The following TNFRSF21 variants were observed in gnomAD, a reference collection of about 807,000 sequenced individuals.
TNFRSF21 encodes TNF receptor superfamily member 21, also known as tumor necrosis factor receptor superfamily member 21.
In TNFRSF21, 19 loss-of-function variants were observed where a neutral mutation model predicts 45.6. That is an observed-to-expected ratio of 0.42 (90% CI 0.29 to 0.61). TNFRSF21 has a LOEUF of 0.61. Ranked by LOEUF, TNFRSF21 falls within the 20% of genes least tolerant of loss-of-function variation. The pLI is 0.23. For synonymous variants in TNFRSF21, 314 were observed against 335.5 expected, an observed-to-expected ratio of 0.94 and a Z score of 0.70; for missense variants, 737 against 851.5, an observed-to-expected ratio of 0.87 and a Z score of 1.67.
At chr6:47,263,263 T>C (rs1762257299) in intron 3 of TNFRSF21, among the ~76,000 whole-genome samples, 2 of 152,166 alleles carry the variant, frequency 1.3e-5, no homozygotes, top group Non-Finnish European at 2.9e-5. Flanking sequence ...GTATGGTTTG[T>C]AATTTGGTGT....
At chr6:47,308,810 A>C (rs1045767829) in intron 1 of TNFRSF21, among the ~76,000 whole-genome samples, 3 of 152,150 alleles carry the variant, frequency 2.0e-5, no homozygotes, top group African/African-American at 7.2e-5. Context: ...CTGAGACCCC[A>C]CCCGAGCCAA....
At chr6:47,242,641 G>A (rs556602999) in intron 4 of TNFRSF21, among the ~76,000 whole-genome samples, 52 of 152,286 alleles carry the variant, frequency 3.4e-4, no homozygotes, top group Non-Finnish European at 4.7e-4. Flanking sequence ...GGGCAGCCCC[G>A]CCCCGCTACC....
chr6:47,307,533 C>T (rs185014949), intron 1 of TNFRSF21, among the ~76,000 whole-genome samples: 8 of 152,174 alleles, frequency 5.3e-5, no homozygotes, highest in Admixed American at 1.3e-4. Flanking sequence ...CGCACACCAC[C>T]GCCACACCCA....
At chr6:47,258,561 C>A (rs1457573043) in intron 3 of TNFRSF21, among the ~76,000 whole-genome samples, 1 of 151,894 alleles carries the variant, frequency 6.6e-6, no homozygotes, top group Non-Finnish European at 1.5e-5. Flanking sequence ...CCCAACTCAG[C>A]CTCCCTAGTA....
intron 1 of TNFRSF21, among the ~76,000 whole-genome samples, chr6:47,306,860 G>A (rs1048576304): frequency 2.6e-5 from 4 of 152,060 alleles, no homozygotes; most frequent in African/African-American, 9.7e-5. Context: ...ACTGTAATAC[G>A]TGGGCAGGCC....
intron 3 of TNFRSF21, among the ~76,000 whole-genome samples, chr6:47,275,420 C>T (rs984478667): frequency 3.3e-5 from 5 of 152,028 alleles, no homozygotes; most frequent in African/African-American, 7.3e-5. Context: ...AACCAAACAC[C>T]GCATGTTCTC....
chr6:47,251,976 C>T (rs1194945837), intron 4 of TNFRSF21, among the ~76,000 whole-genome samples: 2 of 152,016 alleles, frequency 1.3e-5, no homozygotes, highest in East Asian at 3.9e-4. Context: ...AAAAATATGC[C>T]AGAGCTTTAA....
intron 4 of TNFRSF21, among the ~76,000 whole-genome samples, chr6:47,246,446 C>T (rs1764826274): frequency 6.6e-6 from 1 of 152,182 alleles, no homozygotes; most frequent in Non-Finnish European, 1.5e-5. Context: ...CTGTATAGGA[C>T]TTGCCCAAGG....
At chr6:47,274,534 T>C (rs1582341012) in intron 3 of TNFRSF21, among the ~76,000 whole-genome samples, 2 of 151,952 alleles carry the variant, frequency 1.3e-5, no homozygotes, top group East Asian at 1.9e-4. Flanking sequence ...CCATAAAAAC[T>C]CTAGAAGAAA....
intron 3 of TNFRSF21, among the ~76,000 whole-genome samples, chr6:47,280,441 T>G (rs1027199516): frequency 2.0e-5 from 3 of 152,216 alleles, no homozygotes; most frequent in Non-Finnish European, 2.9e-5. Flanking sequence ...CCCGGTTGCA[T>G]GTTTGAGACT....
Position 47,232,605 on chromosome 6 carries a change from C to A in TNFRSF21, c.*160G>T. ...GAGAGAAGGAGAAAGAACTCAAGCACTGGCCATATTCTCTGTTAAACACAC... is the reference window on the plus strand; with the variant it reads ...GAGAGAAGGAGAAAGAACTCAAGCAATGGCCATATTCTCTGTTAAACACAC... On this transcript the variant is annotated 3_prime_UTR_variant, in exon 6 of 6. Transcript: ENST00000296861. 1.7e-6 allele frequency: 1 copy of A among 588,050 alleles called. No individual in the cohort carries two copies. Among genetic ancestry groups the A allele is most frequent in the Non-Finnish European group, 2.9e-6 (1 of 344,946 alleles). The allele number at this position is 588,050 out of a possible 1,614,324, so 36.4% of individuals were successfully genotyped here.
At chr6:47,304,139 C>A (rs1220773797) in intron 1 of TNFRSF21, among the ~76,000 whole-genome samples, 1 of 152,068 alleles carries the variant, frequency 6.6e-6, no homozygotes, top group African/African-American at 2.4e-5. Flanking sequence ...CTGGCATCAC[C>A]GGAATTTGCC....
intron 4 of TNFRSF21, among the ~76,000 whole-genome samples, chr6:47,250,045 A>G (rs1468096627): frequency 2.0e-5 from 3 of 152,210 alleles, no homozygotes; most frequent in Non-Finnish European, 2.9e-5. Context: ...TACATTTAAA[A>G]AGCAATTATA....
intron 3 of TNFRSF21, among the ~76,000 whole-genome samples, chr6:47,254,650 T>C (rs972648278): frequency 6.6e-6 from 1 of 152,186 alleles, no homozygotes; most frequent in Non-Finnish European, 1.5e-5. Flanking sequence ...TGCCCAGCTG[T>C]TCCAGGCCAA....
At chr6:47,247,986 G>T (rs1478575530) in intron 4 of TNFRSF21, among the ~76,000 whole-genome samples, 1 of 152,174 alleles carries the variant, frequency 6.6e-6, no homozygotes, top group Non-Finnish European at 1.5e-5. Flanking sequence ...AAGAAGTAGA[G>T]CATTGATTCT....
intron 4 of TNFRSF21, among the ~76,000 whole-genome samples, chr6:47,242,534 T>A (rs1367238718): frequency 6.6e-6 from 1 of 152,204 alleles, no homozygotes. Context: ...AGCTGTGCCT[T>A]TCCTGTATGT....
chr6:47,235,968 A>T (rs1764661541), intron 4 of TNFRSF21, among the ~76,000 whole-genome samples: 1 of 152,246 alleles, frequency 6.6e-6, no homozygotes, highest in African/African-American at 2.4e-5. Context: ...GGCAAGATTC[A>T]AAGTAGGGAG....
At chr6:47,246,802 G>GA (rs1262221213) in intron 4 of TNFRSF21, among the ~76,000 whole-genome samples, 7 of 151,726 alleles carry the variant, frequency 4.6e-5, no homozygotes, top group Admixed American at 1.3e-4. Context: ...ATATAGTCTT[G>GA]AAAAAAAACT....
chr6:47,279,627 A>G (rs1316388791), intron 3 of TNFRSF21, among the ~76,000 whole-genome samples: 2 of 152,002 alleles, frequency 1.3e-5, no homozygotes, highest in Non-Finnish European at 2.9e-5. Context: ...AAATTTTTGG[A>G]CCCTCCCCCT....
Sources: gnomAD v4.1 joint callset for allele counts (sites outside exome capture counted in the v4.1 genomes callset) on GRCh38, gnomAD v4.1.1 for gene constraint, MANE v1.5 for transcripts, NCBI Gene and HGNC (gene_info 2026-07-23, HGNC 2026-07-21) for gene names.